Variants in MAGI1 observed in about 807,000 individuals in gnomAD.
The protein encoded by MAGI1 is membrane-associated guanylate kinase, WW and PDZ domain-containing protein 1.
MAGI1 carries 58 observed loss-of-function variants against 139.9 expected under a neutral mutation model. The observed-to-expected ratio is 0.41, with a 90% CI of 0.34 to 0.52. MAGI1 has a LOEUF of 0.52. Ranked by LOEUF, MAGI1 falls within the 20% of genes least tolerant of loss-of-function variation. The probability of loss-of-function intolerance (pLI) is 0.12; values close to 1 mark genes in which losing one functional copy is unlikely to be tolerated. For synonymous variants in MAGI1, 812 were observed against 737.9 expected (o/e 1.10, Z -1.63); for missense variants, 1,874 against 1,901.6 (o/e 0.99, Z 0.27).
chr3:65,867,399 G>C (rs1029043710), intron 1 of MAGI1, among the ~76,000 whole-genome samples: 6 of 152,158 alleles, frequency 3.9e-5, no homozygotes, highest in African/African-American at 1.4e-4. Flanking sequence ...GCTCCACAAC[G>C]CTTTTCTGGC....
chr3:65,729,448 C>A (rs2033968208), intron 1 of MAGI1, among the ~76,000 whole-genome samples: 3 of 152,018 alleles, frequency 2.0e-5, no homozygotes, highest in South Asian at 2.1e-4. Context: ...GCACAGTAGA[C>A]AATATAAAAC....
intron 2 of MAGI1, among the ~76,000 whole-genome samples, chr3:65,519,934 G>A (rs2078076904): frequency 6.6e-6 from 1 of 152,196 alleles, no homozygotes; most frequent in South Asian, 2.1e-4. Flanking sequence ...ATGGCTAGGT[G>A]AGAAGAATAC....
chr3:65,609,538 C>G (rs559890901), intron 2 of MAGI1, among the ~76,000 whole-genome samples: 2 of 152,168 alleles, frequency 1.3e-5, no homozygotes, highest in East Asian at 3.9e-4. Flanking sequence ...CTCAGCCTCC[C>G]AAAGTGCTAG....
rs34046056 is a variant in MAGI1 at position 65,984,512 on chromosome 3, A to ATGTGTGTGTGTGTGTG, written c.313+53468_313+53483dup. ...TTTAATATAATATTTTCAAAATAAAATGTGTGTGTGTGTGTGTGTGTGTGT... is the reference window on the plus strand; with the variant it reads ...TTTAATATAATATTTTCAAAATAAAATGTGTGTGTGTGTGTGTGTGTGTGTGTGTGTGTGTGTGTGT... On this transcript the variant is annotated intron_variant, in intron 1 of 22. Transcript: ENST00000402939. Among the ~76,000 whole-genome samples the ATGTGTGTGTGTGTGTG allele has an allele frequency of 1.5e-3, 212 of 140,466 alleles. 1 individual carries two copies. The highest frequency in any genetic ancestry group is 2.6e-3 in the South Asian group (11 of 4,162). The allele number at this position is 140,466 out of a possible 152,430, so 92.2% of individuals were successfully genotyped here.
At chr3:65,784,415 T>C (rs1218123548) in intron 1 of MAGI1, among the ~76,000 whole-genome samples, 2 of 151,978 alleles carry the variant, frequency 1.3e-5, no homozygotes, top group East Asian at 1.9e-4. Flanking sequence ...AACTGATGAC[T>C]GGATAAAAAA....
chr3:65,870,076 TAGAA>T (rs1399463433), intron 1 of MAGI1, among the ~76,000 whole-genome samples: 1 of 152,172 alleles, frequency 6.6e-6, no homozygotes, highest in African/African-American at 2.4e-5. Context: ...CATTTCCTCT[TAGAA>T]AGAGCGATTT....
At chr3:65,561,113 A>G (rs2080325950) in intron 2 of MAGI1, among the ~76,000 whole-genome samples, 1 of 152,116 alleles carries the variant, frequency 6.6e-6, no homozygotes, top group Non-Finnish European at 1.5e-5. Context: ...TTTTGTCAAG[A>G]CTTTGTACCT....
chr3:65,448,400 A>ATT (rs1270677234), intron 6 of MAGI1, among the ~76,000 whole-genome samples: 1 of 152,188 alleles, frequency 6.6e-6, no homozygotes, highest in African/African-American at 2.4e-5. Context: ...GGAGTAAACA[A>ATT]AGCTGTTAGA....
At chr3:65,799,751 A>AAACTCATATTT (rs1340129569) in intron 1 of MAGI1, among the ~76,000 whole-genome samples, 2 of 152,230 alleles carry the variant, frequency 1.3e-5, no homozygotes, top group Non-Finnish European at 2.9e-5. Context: ...TATGCAAACA[A>AAACTCATATTT]AACTCATATT....
intron 22 of MAGI1, among the ~76,000 whole-genome samples, chr3:65,357,563 T>C (rs1332689525): frequency 8.4e-6 from 1 of 119,232 alleles, no homozygotes. Flanking sequence ...CTTTAAAGAA[T>C]ACTTGTTTTG....
chr3:65,678,642 C>T (rs1284257801), intron 1 of MAGI1, among the ~76,000 whole-genome samples: 1 of 152,192 alleles, frequency 6.6e-6, no homozygotes, highest in Non-Finnish European at 1.5e-5. Flanking sequence ...TTAACTGACA[C>T]TAACCCACAG....
chr3:65,651,229 C>T (rs796476695), intron 1 of MAGI1, among the ~76,000 whole-genome samples: 1 of 152,158 alleles, frequency 6.6e-6, no homozygotes, highest in South Asian at 2.1e-4. Context: ...TATCCAGGCT[C>T]ATTAACAACC....
At chr3:65,509,916 T>G (rs1362915021) in intron 2 of MAGI1, among the ~76,000 whole-genome samples, 2 of 152,034 alleles carry the variant, frequency 1.3e-5, no homozygotes, top group South Asian at 4.2e-4. Context: ...CTGACAGCTT[T>G]GAAGAGAGGA....
At chr3:65,823,320 A>G (rs2042048583) in intron 1 of MAGI1, among the ~76,000 whole-genome samples, 1 of 152,206 alleles carries the variant, frequency 6.6e-6, no homozygotes. Flanking sequence ...ATGGTCCATT[A>G]TATTTTCTAG....
chr3:65,873,590 G>A (rs1053928706), intron 1 of MAGI1: 3 of 152,150 alleles, frequency 2.0e-5, no homozygotes, highest in African/African-American at 7.2e-5. Context: ...TGGTTATCAG[G>A]CACGTTATTG....
At chr3:65,388,033 G>A (rs778124296) in intron 14 of MAGI1, among the ~76,000 whole-genome samples, 8 of 152,128 alleles carry the variant, frequency 5.3e-5, no homozygotes, top group Admixed American at 2.0e-4. Context: ...ACACTGCATC[G>A]CTGTCGTTTT....
At chr3:65,507,271 A>C (rs2077331772) in intron 2 of MAGI1, among the ~76,000 whole-genome samples, 1 of 152,220 alleles carries the variant, frequency 6.6e-6, no homozygotes, top group South Asian at 2.1e-4. Flanking sequence ...ATATCTTTCC[A>C]TTTGTTAACA....
intron 5 of MAGI1, among the ~76,000 whole-genome samples, chr3:65,464,598 C>T (rs1315159161): frequency 2.6e-5 from 4 of 152,074 alleles, no homozygotes; most frequent in African/African-American, 4.8e-5. Flanking sequence ...TTGCTTCTTT[C>T]GATTAACATT....
intron 1 of MAGI1, among the ~76,000 whole-genome samples, chr3:65,691,523 A>C (rs905242061): frequency 2.0e-5 from 3 of 152,014 alleles, no homozygotes; most frequent in Non-Finnish European, 4.4e-5. Context: ...ACTTCCTTTT[A>C]TAATTATTAT....
Sources: allele counts gnomAD v4.1 joint callset (sites outside exome capture counted in the v4.1 genomes callset), GRCh38; gene constraint gnomAD v4.1.1; transcripts MANE v1.5; gene names NCBI Gene and HGNC (gene_info 2026-07-23, HGNC 2026-07-21).